LIG1: variants seen among roughly 807,000 people sequenced by gnomAD.
The protein encoded by LIG1 is ligase I, DNA, ATP-dependent.
A neutral mutation model predicts 115.7 loss-of-function variants in LIG1; 70 were observed. The observed-to-expected ratio is 0.60, with a 90% CI of 0.50 to 0.74. The LOEUF is 0.74. Among genes scored for constraint, LIG1 ranks in the 30% least tolerant of loss-of-function variants. LIG1 has a pLI of 0.00. For missense variants in LIG1, 1,115 were observed against 1,225.6 expected (o/e 0.91, Z 1.35); for synonymous variants, 487 against 495.3 (o/e 0.98, Z 0.22).
At position 48,115,568 on chromosome 19, in the gene LIG1, T is replaced by C. The variant is rs1294878119; in HGVS notation, c.*81A>G. 9.4e-7 allele frequency: 1 copy of C among 1,062,938 alleles called. No homozygotes were observed. The highest frequency in any genetic ancestry group is 1.4e-6 in the Non-Finnish European group (1 of 691,780). 65.8% of individuals were successfully genotyped at this position (1,062,938 alleles called of 1,614,324 possible). A position where few individuals can be genotyped will look rare whatever the true frequency, so the allele number is the denominator to read the frequency against. On this transcript the variant is annotated 3_prime_UTR_variant, in exon 28 of 28. Coordinates refer to ENST00000263274, the MANE Select transcript of LIG1 (RefSeq NM_000234.3). ...AAAATCCACAGCCTGCCACAGCAGA[T>C]TTGCTAAAAAGCAAAGGCAATAATA...
chr19:48,115,693 G>A lies in LIG1; in HGVS notation c.2716C>T (p.Gln906Ter), dbSNP rs1282533743. 1.2e-6 allele frequency: 2 copies of A among 1,614,192 alleles called. No homozygotes were observed. The highest frequency in any genetic ancestry group is 1.7e-6 in the Non-Finnish European group (2 of 1,180,002). Residue 906 changes from glutamine (Q) to a stop codon, truncating the protein, a stop_gained, in exon 28 of 28, where the codon CAA becomes TAA. Transcript: ENST00000263274. LOFTEE classifies it high-confidence loss of function. ...TCAGAGCCTGAGTCCTCGCCTTGTT[G>A]GTTCTGAATCTGACTTTGCTTCCGG... ...LYRKQSQIQN[Q>*]QGEDSGSDPE...
chr19:48,132,176 G>C (rs3786764), intron 18 of LIG1, among the ~76,000 whole-genome samples: 72,396 of 151,746 alleles, frequency 0.48, 17,730 homozygotes, highest in East Asian at 0.75. Context: ...TCCACTTCCT[G>C]TAACTGCCCC....
chr19:48,168,425 T>A (rs1369397162), intron 1 of LIG1, among the ~76,000 whole-genome samples: 1 of 152,182 alleles, frequency 6.6e-6, no homozygotes, highest in Non-Finnish European at 1.5e-5. Flanking sequence ...CTTACCACGG[T>A]ACTCAAGGCT....
rs960228332 is a variant in LIG1, at chr19:48,137,975, G to C, written c.1088-287C>G. On this transcript the variant is annotated intron_variant, in intron 12 of 27. Transcript: ENST00000263274. The surrounding 1 kb of genome is among the most constrained non-coding windows in gnomAD (Gnocchi z 4.3). Reference sequence around the variant, plus strand: ...ACATCTGGGCCGGTGTCATCAGGGCGCGGATGGGATTTAAAGCCACAGGCG... The same window carrying C: ...ACATCTGGGCCGGTGTCATCAGGGCCCGGATGGGATTTAAAGCCACAGGCG... The C allele has an allele frequency of 1.9e-6, 1 of 527,526 alleles. No homozygotes were observed. The highest frequency in any genetic ancestry group is 3.5e-5 in the East Asian group (1 of 28,856). 32.7% of individuals were successfully genotyped at this position (527,526 alleles called of 1,614,324 possible).
chr19:48,136,898 C>G (rs2034425920), intron 14 of LIG1, 110 bp downstream of exon 14: 2 of 895,796 alleles, frequency 2.2e-6, no homozygotes, highest in Non-Finnish European at 3.6e-6. Flanking sequence ...ATGCTTTTCT[C>G]ATCCAAGGAT....
intron 11 of LIG1, among the ~76,000 whole-genome samples, chr19:48,141,203 G>T (rs890614902): frequency 6.6e-6 from 1 of 151,418 alleles, no homozygotes; most frequent in African/African-American, 2.5e-5. Context: ...GCAGTGGCAC[G>T]ATCTCGGCTC....
At chr19:48,134,091 T>C (rs1443204846) in intron 16 of LIG1, 25 bp from the exon 17 acceptor site, 23 of 1,541,062 alleles carry the variant, frequency 1.5e-5, no homozygotes, top group South Asian at 1.2e-4. Flanking sequence ...GAGAACAAGA[T>C]AGGGGAAGCC....
intron 18 of LIG1, among the ~76,000 whole-genome samples, chr19:48,132,375 G>A (rs1280956877): frequency 6.6e-6 from 1 of 152,084 alleles, no homozygotes; most frequent in African/African-American, 2.4e-5. Flanking sequence ...CTCCCAGAAC[G>A]GCTGTTAAAA....
Position 48,137,577 on chromosome 19 carries a change from G to T in LIG1, c.1199C>A (p.Thr400Asn). Residue 400 changes from threonine to asparagine, a missense_variant, in exon 13 of 28, where the codon ACT becomes AAT. By Grantham distance (65) the Thr-to-Asn change is moderately conservative. Transcript: ENST00000263274. The surrounding 1 kb of genome is among the most constrained non-coding windows in gnomAD (Gnocchi z 4.3). Reference protein sequence around the residue: ...QRLMLPPPPLTASGVFSKFRD... With the variant: ...QRLMLPPPPLNASGVFSKFRD... Reference sequence around the variant, plus strand: ...GAACTTGCTGAAGACCCCGGAGGCAGTGAGCGGAGGTGGTGGCAGCATGAG... The same window carrying T: ...GAACTTGCTGAAGACCCCGGAGGCATTGAGCGGAGGTGGTGGCAGCATGAG... 6.2e-7 allele frequency: 1 copy of T among 1,613,494 alleles called. No individual in the cohort carries two copies. Among genetic ancestry groups the T allele is most frequent in the Non-Finnish European group, 8.5e-7 (1 of 1,180,010 alleles).
At position 48,136,731 on chromosome 19, in the gene LIG1, G is replaced by A. The variant is rs554649606; in HGVS notation, c.1331+277C>T. 3.1e-3 allele frequency among the ~76,000 whole-genome samples: 465 copies of A among 152,268 alleles called. 2 individuals are homozygous for A. The highest frequency in any genetic ancestry group is 0.011 in the African/African-American group (441 of 41,514). On this transcript the variant is annotated intron_variant, in intron 14 of 27. Transcript: ENST00000263274. ...ACCCTGGCTTCCTGCTGCAGGGCCC[G>A]CGCCCAAGCCGAGGCAGACCTCACC...
chr19:48,119,105 G>T (rs1317590885), intron 25 of LIG1, 32 bp downstream of exon 25: 17 of 1,537,930 alleles, frequency 1.1e-5, no homozygotes, highest in Non-Finnish European at 1.5e-5. Context: ...GGGGAGAGGG[G>T]TGGAGGCTGA....
chr19:48,170,026 C>T lies in LIG1; in HGVS notation c.-58+215G>A, dbSNP rs1040568756. On this transcript the variant is annotated intron_variant, in intron 1 of 27. Coordinates refer to ENST00000263274, the MANE Select transcript of LIG1 (RefSeq NM_000234.3). ...CCAACTGTCTCTGTCTCTCGTCTAC[C>T]CTCTACCTGGCCCCCCTCCCTCTGG... 4 of 343,520 alleles carry T rather than the reference C, an allele frequency of 1.2e-5. No individual in the cohort carries two copies. In the Admixed American group the frequency reaches 1.5e-4, roughly 13 times the overall value. 21.3% of individuals were successfully genotyped at this position (343,520 alleles called of 1,614,324 possible). A position where few individuals can be genotyped will look rare whatever the true frequency, so the allele number is the denominator to read the frequency against.
At chr19:48,143,656 C>G (rs376910537) in intron 10 of LIG1, 57 bp from the exon 11 acceptor site, 1 of 1,468,090 alleles carries the variant, frequency 6.8e-7, no homozygotes, top group Admixed American at 1.7e-5. Context: ...CCATGCTGCC[C>G]GTCTGCACCC....
intron 18 of LIG1, 102 bp downstream of exon 18, chr19:48,132,880 T>C (rs970125223): frequency 2.5e-6 from 2 of 799,470 alleles, no homozygotes; most frequent in African/African-American, 1.8e-5. Context: ...GGCTCGGCAG[T>C]CTGTGGCGCA....
At chr19:48,125,152 T>C (rs902138922) in intron 21 of LIG1, among the ~76,000 whole-genome samples, 1 of 152,096 alleles carries the variant, frequency 6.6e-6, no homozygotes, top group African/African-American at 2.4e-5. Context: ...ACAAGTCCTA[T>C]ACAACAAAAT....
chr19:48,128,035 G>C lies in LIG1; in HGVS notation c.1822-15C>G, dbSNP rs2033786479. The C allele has an allele frequency of 6.3e-7, 1 of 1,599,132 alleles. No homozygotes were observed. The highest frequency in any genetic ancestry group is 1.7e-5 in the Admixed American group (1 of 59,988). On this transcript the variant is annotated splice_polypyrimidine_tract_variant and intron_variant, in intron 19 of 27. Coordinates refer to ENST00000263274, the MANE Select transcript of LIG1 (RefSeq NM_000234.3). ...GGGAGTTTAATCTGAAAAGTGAAGGGAGAGACCCAGGGCCTGAGAGAGGTG... is the reference window on the plus strand; with the variant it reads ...GGGAGTTTAATCTGAAAAGTGAAGGCAGAGACCCAGGGCCTGAGAGAGGTG...
chr19:48,118,542 T>TC, intron 25 of LIG1: 1 of 143,146 alleles, frequency 7.0e-6, no homozygotes, highest in East Asian at 2.1e-4. Context: ...TCCTTTTTTT[T>TC]TTTTTTTTTT....
At position 48,115,508 on chromosome 19, in the gene LIG1, C is replaced by T; in HGVS notation, c.*141G>A. On this transcript the variant is annotated 3_prime_UTR_variant, in exon 28 of 28. Coordinates refer to ENST00000263274, the MANE Select transcript of LIG1 (RefSeq NM_000234.3). Reference sequence around the variant, plus strand: ...ATGAATCCCAGACTCCGGAGTAAGCCACCCCCTCACACACACACCCCTCCC... The same window carrying T: ...ATGAATCCCAGACTCCGGAGTAAGCTACCCCCTCACACACACACCCCTCCC... The T allele has an allele frequency of 1.5e-6, 1 of 680,894 alleles. No individual in the cohort carries two copies. The highest frequency in any genetic ancestry group is 1.8e-5 in the African/African-American group (1 of 56,388). 42.2% of individuals were successfully genotyped at this position (680,894 alleles called of 1,614,324 possible).
chr19:48,143,688 G>A, intron 10 of LIG1, 89 bp from the exon 11 acceptor site: 1 of 1,236,746 alleles, frequency 8.1e-7, no homozygotes, highest in East Asian at 2.3e-5. Flanking sequence ...CGCCTCCTCG[G>A]GACACCCTTG....
Sources: gnomAD v4.1 joint callset for allele counts (sites outside exome capture counted in the v4.1 genomes callset) on GRCh38, gnomAD v4.1.1 for gene constraint, Gnocchi (gnomAD v3.1) non-coding constraint, MANE v1.5 for transcripts, NCBI Gene and HGNC (gene_info 2026-07-23, HGNC 2026-07-21) for gene names.